Variants in ASTN2 observed in about 807,000 individuals in gnomAD.
The protein encoded by ASTN2 is astrotactin-2.
A neutral mutation model predicts 139.8 loss-of-function variants in ASTN2; 54 were observed. That is an observed-to-expected ratio of 0.39 (90% CI 0.31 to 0.48). The LOEUF (loss-of-function observed/expected upper bound fraction) is 0.48. Among genes scored for constraint, ASTN2 ranks in the 20% least tolerant of loss-of-function variants. The probability of loss-of-function intolerance (pLI) is 0.95; values close to 1 mark genes in which losing one functional copy is unlikely to be tolerated. For synonymous variants in ASTN2, 756 were observed against 719.5 expected, an observed-to-expected ratio of 1.05 and a Z score of -0.81; for missense variants, 1,565 against 1,725.1, an observed-to-expected ratio of 0.91 and a Z score of 1.64.
At position 117,275,404 on chromosome 9, in the gene ASTN2, T is replaced by A. The variant is rs550550985; in HGVS notation, c.630+15922A>T. ...GCCTCAACAACAGAATTTTATTTTC[T>A]TACAGTTCTGGAGGCTGGAAGTCTA... On this transcript the variant is annotated intron_variant, in intron 2 of 22. Transcript: ENST00000313400. Among the ~76,000 whole-genome samples, 4 of 152,262 alleles carry A rather than the reference T, an allele frequency of 2.6e-5. No individual in the cohort carries two copies. The South Asian group carries it at 8.3e-4, about 32-fold the overall frequency.
intron 20 of ASTN2, among the ~76,000 whole-genome samples, chr9:116,480,472 G>A (rs575906703): frequency 6.6e-6 from 1 of 152,304 alleles, no homozygotes; most frequent in East Asian, 1.9e-4. Flanking sequence ...CTTAATTAGT[G>A]TCAGTTACTG....
intron 10 of ASTN2, among the ~76,000 whole-genome samples, chr9:116,962,422 C>T (rs956509925): frequency 2.0e-5 from 3 of 152,188 alleles, no homozygotes; most frequent in Admixed American, 2.0e-4. Context: ...AACCAAATCC[C>T]TCATTTTCTG....
chr9:117,091,269 C>CATCA (rs926369133), intron 5 of ASTN2, among the ~76,000 whole-genome samples: 3 of 152,194 alleles, frequency 2.0e-5, no homozygotes, highest in Admixed American at 1.3e-4. Context: ...AACATTCACT[C>CATCA]ATCATTCATT....
At chr9:117,296,985 G>T (rs1192673330) in intron 1 of ASTN2, among the ~76,000 whole-genome samples, 1 of 152,154 alleles carries the variant, frequency 6.6e-6, no homozygotes. Flanking sequence ...TCCCGGAAAA[G>T]AAATAAAAAA....
At chr9:116,842,859 C>G (rs1428831150) in intron 11 of ASTN2, among the ~76,000 whole-genome samples, 1 of 151,902 alleles carries the variant, frequency 6.6e-6, no homozygotes, top group Non-Finnish European at 1.5e-5. Context: ...GGAGACAGAG[C>G]CTGCCCCCAT....
At chr9:116,845,750 G>A (rs770847507) in intron 11 of ASTN2, among the ~76,000 whole-genome samples, 1 of 152,094 alleles carries the variant, frequency 6.6e-6, no homozygotes, top group Non-Finnish European at 1.5e-5. Context: ...TGGAGAAATT[G>A]GAGCCCTTGC....
intron 1 of ASTN2, among the ~76,000 whole-genome samples, chr9:117,348,156 G>A (rs979412491): frequency 6.6e-6 from 1 of 152,164 alleles, no homozygotes; most frequent in African/African-American, 2.4e-5. Context: ...TGGCACTTCA[G>A]GTCAACCCGT....
At chr9:117,302,092 G>T in intron 1 of ASTN2, among the ~76,000 whole-genome samples, 1 of 151,228 alleles carries the variant, frequency 6.6e-6, no homozygotes, top group Non-Finnish European at 1.5e-5. Context: ...AAGTGGTGGG[G>T]GTGGGAGGGG....
chr9:116,536,215 T>G (rs539096411), intron 19 of ASTN2, among the ~76,000 whole-genome samples: 1 of 152,100 alleles, frequency 6.6e-6, no homozygotes, highest in African/African-American at 2.4e-5. Context: ...ATCAGGTCAT[T>G]TAAGGACTTC....
At chr9:117,004,278 C>T (rs534739710) in intron 7 of ASTN2, among the ~76,000 whole-genome samples, 1 of 152,024 alleles carries the variant, frequency 6.6e-6, no homozygotes, top group Non-Finnish European at 1.5e-5. Context: ...TGTCACCATG[C>T]CTGGCTAATT....
chr9:117,375,970 G>T (rs913615199), intron 1 of ASTN2, among the ~76,000 whole-genome samples: 2 of 151,824 alleles, frequency 1.3e-5, no homozygotes, highest in Non-Finnish European at 2.9e-5. Context: ...CATCCCCCTC[G>T]ATGAGTCTAA....
At chr9:116,689,304 T>C (rs1458022098) in intron 16 of ASTN2, among the ~76,000 whole-genome samples, 1 of 152,180 alleles carries the variant, frequency 6.6e-6, no homozygotes, top group Non-Finnish European at 1.5e-5. Context: ...TCTTCATCTG[T>C]AAAATGGGGT....
At chr9:116,832,572 G>A (rs1831846960) in intron 11 of ASTN2, among the ~76,000 whole-genome samples, 1 of 151,130 alleles carries the variant, frequency 6.6e-6, no homozygotes, top group African/African-American at 2.4e-5. Context: ...AATCATTTTC[G>A]GTATGGAATT....
chr9:117,008,468 T>C (rs1837423263), intron 6 of ASTN2, among the ~76,000 whole-genome samples: 1 of 152,136 alleles, frequency 6.6e-6, no homozygotes, highest in East Asian at 1.9e-4. Flanking sequence ...AACCTAGTGA[T>C]GAAAGATAGG....
At chr9:116,913,612 AG>A (rs1834371335) in intron 10 of ASTN2, among the ~76,000 whole-genome samples, 2 of 152,220 alleles carry the variant, frequency 1.3e-5, no homozygotes, top group African/African-American at 4.8e-5. Flanking sequence ...ATGCAAGGCA[AG>A]CTTCACAGGT....
chr9:116,436,159 A>G lies in ASTN2; in HGVS notation c.3782+4450T>C, dbSNP rs374049585. Among the ~76,000 whole-genome samples, 198 of 152,294 alleles carry G rather than the reference A, an allele frequency of 1.3e-3. 1 individual carries two copies. Among genetic ancestry groups the G allele is most frequent in the South Asian group, 7.3e-3 (35 of 4,826 alleles). On this transcript the variant is annotated intron_variant, in intron 22 of 22. Transcript: ENST00000313400. ...GCACATTAAATGAATCAATGAATCA[A>G]TCAATCAATGAAGTGAGATCTCTTC... is the stretch of plus-strand genomic sequence containing the variant.
chr9:116,875,494 A>T (rs1332311396), intron 10 of ASTN2, among the ~76,000 whole-genome samples: 2 of 152,250 alleles, frequency 1.3e-5, no homozygotes, highest in African/African-American at 2.4e-5. Context: ...GAGAAGCAGC[A>T]AGTGCTGATA....
At chr9:116,565,397 A>C (rs3916172) in intron 19 of ASTN2, among the ~76,000 whole-genome samples, 18,678 of 56,868 alleles carry the variant, frequency 0.33, 3,684 homozygotes, top group Non-Finnish European at 0.38. Flanking sequence ...CCATATATAT[A>C]TATATATATA....
chr9:117,145,328 C>T (rs1239380688), intron 3 of ASTN2, among the ~76,000 whole-genome samples: 3 of 152,146 alleles, frequency 2.0e-5, no homozygotes, highest in Non-Finnish European at 4.4e-5. Context: ...GCAGCAGAAC[C>T]TGTACTCATT....
Sources: gnomAD v4.1 joint callset for allele counts (sites outside exome capture counted in the v4.1 genomes callset) on GRCh38, gnomAD v4.1.1 for gene constraint, MANE v1.5 for transcripts, NCBI Gene and HGNC (gene_info 2026-07-23, HGNC 2026-07-21) for gene names.